The following ZNF827 variants were observed in gnomAD, a reference collection of about 807,000 sequenced individuals.
ZNF827 encodes zinc finger protein 827.
ZNF827 carries 13 observed loss-of-function variants against 102.4 expected under a neutral mutation model. The ratio of observed to expected loss-of-function variants is 0.13; its 90% CI spans 0.08 to 0.20. ZNF827 has a LOEUF of 0.20. Ranked by LOEUF, ZNF827 falls within the 10% of genes least tolerant of loss-of-function variation. The pLI, the probability that ZNF827 is intolerant of heterozygous loss-of-function variation, is 1.00. For missense variants in ZNF827, 1,103 were observed against 1,344.4 expected (o/e 0.82, Z 2.81); for synonymous variants, 523 against 536.2 (o/e 0.98, Z 0.34).
intron 1 of ZNF827, among the ~76,000 whole-genome samples, chr4:145,922,375 T>C (rs1363365191): frequency 6.6e-6 from 1 of 152,208 alleles, no homozygotes; most frequent in Middle Eastern, 3.2e-3. Flanking sequence ...GTAATGATGA[T>C]ACAAAAGCAA....
chr4:145,858,034 C>T (rs1237869744), intron 5 of ZNF827, among the ~76,000 whole-genome samples: 1 of 152,060 alleles, frequency 6.6e-6, no homozygotes, highest in Non-Finnish European at 1.5e-5. Flanking sequence ...TATCCTTTGC[C>T]ATTTAATAAA....
chr4:145,831,790 G>T (rs559865426), intron 7 of ZNF827: 1 of 152,182 alleles, frequency 6.6e-6, no homozygotes, highest in Non-Finnish European at 1.5e-5. Context: ...GAAAAAGGAC[G>T]GGTAAACCAA....
rs532299253 is a variant in ZNF827, at chr4:145,803,944, T to C, written c.2383+19478A>G. Among the ~76,000 whole-genome samples, 5 of 152,326 alleles carry C rather than the reference T, an allele frequency of 3.3e-5. 1 individual carries two copies. The East Asian group carries it at 9.6e-4, about 29-fold the overall frequency. ...TTCATATTTTTTTTTTGTTATAACT[T>C]ATTCTGGTATATGCTTGTGCAACCC... On this transcript the variant is annotated intron_variant, in intron 8 of 14. Coordinates refer to ENST00000508784, the MANE Select transcript of ZNF827 (RefSeq NM_001306215.2).
chr4:145,779,453 G>A lies in ZNF827; in HGVS notation c.2442C>T (p.Asp814=), dbSNP rs140060160. 254 of 1,614,232 alleles carry A rather than the reference G, an allele frequency of 1.6e-4. 1 individual carries two copies. The African/African-American group carries it at 2.8e-3, about 18-fold the overall frequency. ...GNGLPSWKFN[D]QLFPCDVCGK... is the part of the protein sequence containing the mutation. ...CACACACGTCACAGGGAAAAAGCTG[G>A]TCATTGAATTTCCAGGATGGTAATC... Residue 814 remains aspartate (D), a synonymous_variant, in exon 9 of 15, where the codon GAC becomes GAT. Transcript: ENST00000508784.
intron 8 of ZNF827, among the ~76,000 whole-genome samples, chr4:145,821,570 C>CT (rs149432914): frequency 0.013 from 1,902 of 147,798 alleles, 48 homozygotes; most frequent in African/African-American, 0.045. Flanking sequence ...CAAAAAAAGT[C>CT]TTTTTTTTTT....
intron 7 of ZNF827, chr4:145,835,079 T>C (rs938779229): frequency 5.6e-4 from 85 of 152,296 alleles, no homozygotes; most frequent in African/African-American, 1.8e-3. Context: ...CCTCCTAAGC[T>C]ACGTCCCATC....
intron 7 of ZNF827, among the ~76,000 whole-genome samples, chr4:145,843,116 T>G (rs2126624942): frequency 6.6e-6 from 1 of 152,200 alleles, no homozygotes; most frequent in Non-Finnish European, 1.5e-5. Flanking sequence ...TAAAGAGGAT[T>G]TCTTGGCATA....
At chr4:145,870,624 T>C in intron 4 of ZNF827, 146 bp from the exon 5 acceptor site, 3 of 667,672 alleles carry the variant, frequency 4.5e-6, no homozygotes, top group East Asian at 2.7e-5. Context: ...GGCTGGGCCC[T>C]GGGCAAAACC....
chr4:145,849,302 T>C lies in ZNF827; in HGVS notation c.2221+20A>G. 6.2e-7 allele frequency: 1 copy of C among 1,600,914 alleles called. No homozygotes were observed. The highest frequency in any genetic ancestry group is 2.2e-5 in the East Asian group (1 of 44,500). ...TTCAATGATTTCCAATAATTGACATTTTCCTGTGCATAAACATACCTGACA... is the reference window on the plus strand; with the variant it reads ...TTCAATGATTTCCAATAATTGACATCTTCCTGTGCATAAACATACCTGACA... On this transcript the variant is annotated intron_variant, in intron 6 of 14. Coordinates refer to ENST00000508784, the MANE Select transcript of ZNF827 (RefSeq NM_001306215.2).
Position 145,771,130 on chromosome 4 carries a change from C to G in ZNF827, c.2860+3376G>C, listed in dbSNP as rs1736215931. 1.3e-5 allele frequency: 2 copies of G among 152,208 alleles called. 1 individual carries two copies. The highest frequency in any genetic ancestry group is 4.1e-4 in the South Asian group (2 of 4,832). The allele number at this position is 152,208 out of a possible 1,614,324, so 9.4% of individuals were successfully genotyped here. On this transcript the variant is annotated intron_variant, in intron 11 of 14. Transcript: ENST00000508784. ...ATTAGAGGCCTAAAGGTTTTCTTAACAGTTTATAGGAATACTCTATGTAGT... is the reference window on the plus strand; with the variant it reads ...ATTAGAGGCCTAAAGGTTTTCTTAAGAGTTTATAGGAATACTCTATGTAGT...
At chr4:145,781,983 C>A (rs1191494960) in intron 8 of ZNF827, among the ~76,000 whole-genome samples, 1 of 152,226 alleles carries the variant, frequency 6.6e-6, no homozygotes, top group African/African-American at 2.4e-5. Flanking sequence ...CTGTCTGATT[C>A]CGTCCACTGG....
At chr4:145,852,359 T>C (rs1325623966) in intron 5 of ZNF827, among the ~76,000 whole-genome samples, 4 of 152,242 alleles carry the variant, frequency 2.6e-5, no homozygotes, top group African/African-American at 9.6e-5. Flanking sequence ...ATGATTTACA[T>C]GAAGTGCTTT....
chr4:145,903,343 C>G, intron 1 of ZNF827, 128 bp from the exon 2 acceptor site: 1 of 1,432,592 alleles, frequency 7.0e-7, no homozygotes. Flanking sequence ...AAGGTGGCAA[C>G]AGCCTTAACA....
chr4:145,775,818 A>G lies in ZNF827; in HGVS notation c.2664T>C (p.Ser888=), dbSNP rs751638060. The G allele has an allele frequency of 3.1e-6, 5 of 1,614,086 alleles. No individual in the cohort carries two copies. In the African/African-American group the frequency reaches 4.0e-5, roughly 13 times the overall value. The change falls in exon 10 of 15, where the codon AGT becomes AGC. Residue 888 remains serine, a synonymous_variant. Coordinates refer to ENST00000508784, the MANE Select transcript of ZNF827 (RefSeq NM_001306215.2). ...AATAATAAGGATGTTTCTTCCCATC[A>G]CTGCCTTCAGAGGTGACGGCGCTGA... ...DIVSAVTSEG[S]DGKKHPYYYS...
At chr4:145,923,939 A>G (rs1753250545) in intron 1 of ZNF827, among the ~76,000 whole-genome samples, 1 of 152,230 alleles carries the variant, frequency 6.6e-6, no homozygotes, top group Non-Finnish European at 1.5e-5. Context: ...AGAGAAATTC[A>G]CACTCAGGCT....
intron 7 of ZNF827, among the ~76,000 whole-genome samples, chr4:145,826,580 A>C (rs894792796): frequency 1.3e-5 from 2 of 152,226 alleles, no homozygotes; most frequent in African/African-American, 4.8e-5. Context: ...AATAAGAATA[A>C]TGTTACACAG....
At position 145,761,056 on chromosome 4, in the gene ZNF827, G is replaced by C. The variant is rs569114011; in HGVS notation, c.*560C>G. 1.6e-6 allele frequency: 2 copies of C among 1,289,192 alleles called. No individual in the cohort carries two copies. The highest frequency in any genetic ancestry group is 1.1e-4 in the East Asian group (2 of 18,002). 79.9% of individuals were successfully genotyped at this position (1,289,192 alleles called of 1,614,324 possible). On this transcript the variant is annotated 3_prime_UTR_variant, in exon 15 of 15. Transcript: ENST00000508784. This position sits in a 1 kb window ranked among gnomAD's most constrained non-coding sequence, Gnocchi z 6.8. Reference sequence around the variant, plus strand: ...TGCCGACAGGGCCACGGTCTGCAGAGCCTGGGAGGCAGACATAACTGACAG... The same window carrying C: ...TGCCGACAGGGCCACGGTCTGCAGACCCTGGGAGGCAGACATAACTGACAG...
rs1253435117 is a variant in ZNF827 at position 145,765,017 on chromosome 4, T to A, written c.3201A>T (p.Lys1067Asn). The change falls in exon 13 of 15, where the codon AAA becomes AAT. Residue 1067 changes from lysine to asparagine, a missense_variant. By Grantham distance (94) the Lys-to-Asn change is moderately conservative. Coordinates refer to ENST00000508784, the MANE Select transcript of ZNF827 (RefSeq NM_001306215.2). The surrounding 1 kb of genome is among the most constrained non-coding windows in gnomAD (Gnocchi z 4.7). ...KTPEQLLEHK[K>N]CHTVPTGGLN... ...GCCCACCGGTGGGGACAGTGTGGCA[T>A]TTCTTATGCTCCAGCAGCTGTTCGG... 2 of 1,613,922 alleles carry A rather than the reference T, an allele frequency of 1.2e-6. No individual in the cohort carries two copies. The highest frequency in any genetic ancestry group is 2.7e-5 in the African/African-American group (2 of 74,930).
At chr4:145,892,870 G>C (rs1750714547) in intron 2 of ZNF827, among the ~76,000 whole-genome samples, 2 of 152,148 alleles carry the variant, frequency 1.3e-5, no homozygotes, top group African/African-American at 4.8e-5. Flanking sequence ...AAATCACATG[G>C]GACAGAGAAT....
Sources: allele counts gnomAD v4.1 joint callset (sites outside exome capture counted in the v4.1 genomes callset), GRCh38; gene constraint gnomAD v4.1.1; non-coding constraint Gnocchi (gnomAD v3.1); transcripts MANE v1.5; gene names NCBI Gene and HGNC (gene_info 2026-07-23, HGNC 2026-07-21).